The following RUNX3 variants were observed in gnomAD, a reference collection of about 807,000 sequenced individuals.
RUNX3 encodes the protein RUNX family transcription factor 3.
RUNX3 carries 10 observed loss-of-function variants against 27.7 expected under a neutral mutation model. The observed-to-expected ratio is 0.36, with a 90% confidence interval of 0.22 to 0.61. The LOEUF (loss-of-function observed/expected upper bound fraction) is 0.61. RUNX3 is among the 20% of genes least tolerant of loss of function. The probability of loss-of-function intolerance (pLI) is 0.72; values close to 1 mark genes in which losing one functional copy is unlikely to be tolerated. For synonymous variants in RUNX3, 270 were observed against 269.2 expected (o/e 1.00, Z -0.03); for missense variants, 469 against 629.5 (o/e 0.75, Z 2.73).
chr1:24,935,459 C>T (rs1641326410), intron 2 of RUNX3, among the ~76,000 whole-genome samples: 1 of 152,238 alleles, frequency 6.6e-6, no homozygotes, highest in Non-Finnish European at 1.5e-5. Context: ...CGCCCATCCC[C>T]ACCCTGTTCT....
chr1:24,961,218 G>A (rs1642104051), intron 2 of RUNX3: 1 of 152,256 alleles, frequency 6.6e-6, no homozygotes, highest in African/African-American at 2.4e-5. Flanking sequence ...ACTCTCCAGG[G>A]GTCTGGATCT....
chr1:24,953,390 G>GAAAAAAAAAAAGAAAAAAAAAA (rs1641824403), intron 2 of RUNX3, among the ~76,000 whole-genome samples: 1 of 59,496 alleles, frequency 1.7e-5, no homozygotes, highest in Non-Finnish European at 3.4e-5. Context: ...GAAAAGAAAA[G>GAAAAAAAAAAAGAAAAAAAAAA]AAAAGAAAAA....
chr1:24,929,442 G>T, intron 1 of RUNX3, 145 bp downstream of exon 1: 2 of 827,260 alleles, frequency 2.4e-6, no homozygotes, highest in South Asian at 1.4e-5. Context: ...AGCCGAGCGC[G>T]CAGCCAGACT....
In RUNX3 at chr1:24,930,003, C is replaced by G; in HGVS notation, c.-135G>C. The G allele has an allele frequency of 4.4e-6, 5 of 1,141,332 alleles. No individual in the cohort carries two copies. Among genetic ancestry groups the G allele is most frequent in the Non-Finnish European group, 5.4e-6 (5 of 931,690 alleles). The allele number at this position is 1,141,332 out of a possible 1,614,324, so 70.7% of individuals were successfully genotyped here. A position where few individuals can be genotyped will look rare whatever the true frequency, so the allele number is the denominator to read the frequency against. On this transcript the variant is annotated 5_prime_UTR_variant, in exon 1 of 5. Coordinates refer to ENST00000308873, the MANE Select transcript of RUNX3 (RefSeq NM_004350.3). The surrounding 1 kb of genome is among the most constrained non-coding windows in gnomAD (Gnocchi z 4.1). ...AAGCGGCGGGGCCCGGGCCTCAGGG[C>G]GCAGGGGGCGGCGCCCGGCCACTAC...
At chr1:24,957,209 C>T (rs991200701) in intron 2 of RUNX3, among the ~76,000 whole-genome samples, 5 of 152,242 alleles carry the variant, frequency 3.3e-5, no homozygotes, top group East Asian at 1.9e-4. Flanking sequence ...CTGCCTGCAC[C>T]GATTGGACCG....
Position 24,904,877 on chromosome 1 carries a change from C to G in RUNX3, c.704-2211G>C, listed in dbSNP as rs1231844168. On this transcript the variant is annotated intron_variant, in intron 4 of 4. Transcript: ENST00000308873. The surrounding 1 kb of genome is among the most constrained non-coding windows in gnomAD (Gnocchi z 5.7). Reference sequence around the variant, plus strand: ...CTCCTGTACCCCCACCCTGCGGCCTCGCAGCCCCAGGAAACCCGAGCTGCC... The same window carrying G: ...CTCCTGTACCCCCACCCTGCGGCCTGGCAGCCCCAGGAAACCCGAGCTGCC... Among the ~76,000 whole-genome samples the G allele has an allele frequency of 6.6e-6, 1 of 152,180 alleles. No individual in the cohort carries two copies. Among genetic ancestry groups the G allele is most frequent in the Non-Finnish European group, 1.5e-5 (1 of 68,024 alleles).
intron 2 of RUNX3, among the ~76,000 whole-genome samples, chr1:24,920,252 G>A (rs1002580030): frequency 6.6e-6 from 1 of 150,982 alleles, no homozygotes; most frequent in African/African-American, 2.4e-5. Context: ...AAATGAAAGT[G>A]ACCTTCTGTT....
At chr1:24,910,000 T>G (rs1245043058) in intron 3 of RUNX3, among the ~76,000 whole-genome samples, 1 of 152,142 alleles carries the variant, frequency 6.6e-6, no homozygotes, top group East Asian at 1.9e-4. Context: ...TTAGAAAAGA[T>G]GGAGGCTAGG....
At chr1:24,937,308 A>G (rs948304461) in intron 2 of RUNX3, among the ~76,000 whole-genome samples, 1 of 152,196 alleles carries the variant, frequency 6.6e-6, no homozygotes, top group Non-Finnish European at 1.5e-5. Flanking sequence ...GAACTTCTGA[A>G]TACTTGCTCA....
At chr1:24,933,085 A>G (rs1242841187), upstream of RUNX3, among the ~76,000 whole-genome samples, 1 of 152,140 alleles carries the variant, frequency 6.6e-6, no homozygotes, top group Non-Finnish European at 1.5e-5. Flanking sequence ...CCGCCTTCCC[A>G]GGGCAGGTGT....
upstream of RUNX3, among the ~76,000 whole-genome samples, chr1:24,934,459 G>A (rs533151403): frequency 2.6e-5 from 4 of 152,356 alleles, no homozygotes; most frequent in South Asian, 8.3e-4. Flanking sequence ...GGACCCAGAT[G>A]CTGCCTGTGC....
chr1:24,930,307 C>A (rs991433332), upstream of RUNX3: 3 of 858,476 alleles, frequency 3.5e-6, no homozygotes, highest in Non-Finnish European at 4.2e-6. The surrounding 1 kb of genome is among the most constrained non-coding windows in gnomAD (Gnocchi z 4.1). Flanking sequence ...GGGGTTAGTA[C>A]CCCCGGGGCC....
chr1:24,907,111 G>T, intron 4 of RUNX3, 148 bp downstream of exon 4: 1 of 745,510 alleles, frequency 1.3e-6, no homozygotes, highest in Non-Finnish European at 2.1e-6. Flanking sequence ...CCGTCTGCAG[G>T]TGCCAATGAG....
chr1:24,931,970 C>T (rs1380307565), upstream of RUNX3, among the ~76,000 whole-genome samples: 1 of 152,252 alleles, frequency 6.6e-6, no homozygotes, highest in Non-Finnish European at 1.5e-5. Context: ...AGTGATCCAG[C>T]CTGGGCGCTC....
At chr1:24,932,854 T>C (rs1166935712), upstream of RUNX3, among the ~76,000 whole-genome samples, 1 of 152,118 alleles carries the variant, frequency 6.6e-6, no homozygotes, top group Non-Finnish European at 1.5e-5. Flanking sequence ...ACAGGCCAGT[T>C]TCTCCCCAGT....
chr1:24,945,526 G>A (rs941276181), intron 2 of RUNX3, among the ~76,000 whole-genome samples: 2 of 152,146 alleles, frequency 1.3e-5, no homozygotes, highest in African/African-American at 4.8e-5. Flanking sequence ...TAACTCACTC[G>A]GTTCTTGCAA....
intron 2 of RUNX3, among the ~76,000 whole-genome samples, chr1:24,937,960 C>T (rs914494875): frequency 1.3e-5 from 2 of 152,244 alleles, no homozygotes; most frequent in African/African-American, 4.8e-5. Flanking sequence ...TCTGGAAGTC[C>T]TTCCTTGTGT....
intron 2 of RUNX3, chr1:24,964,410 G>C: frequency 1.1e-6 from 1 of 894,908 alleles, no homozygotes; most frequent in East Asian, 2.6e-5. Flanking sequence ...GGATTTAGGC[G>C]GACAGGCTGT....
intron 3 of RUNX3, 56 bp downstream of exon 3, chr1:24,919,184 C>T: frequency 1.8e-6 from 2 of 1,123,218 alleles, no homozygotes; most frequent in Non-Finnish European, 2.6e-6. Context: ...TGCTGTCCTT[C>T]CCGCACTGGA....
Sources: allele counts gnomAD v4.1 joint callset (sites outside exome capture counted in the v4.1 genomes callset), GRCh38; gene constraint gnomAD v4.1.1; non-coding constraint Gnocchi (gnomAD v3.1); transcripts MANE v1.5; gene names NCBI Gene and HGNC (gene_info 2026-07-23, HGNC 2026-07-21).